Variants in CDH20 observed in about 807,000 individuals in gnomAD.
The protein encoded by CDH20 is cadherin-20.
In CDH20, 29 loss-of-function variants were observed where a neutral mutation model predicts 74.2. That is an observed-to-expected ratio of 0.39 (90% confidence interval 0.29 to 0.53). The LOEUF (loss-of-function observed/expected upper bound fraction) is 0.53. Ranked by LOEUF, CDH20 falls within the 20% of genes least tolerant of loss-of-function variation. The pLI is 0.69. For missense variants in CDH20, 988 were observed against 1,048.3 expected, an observed-to-expected ratio of 0.94 and a Z score of 0.79; for synonymous variants, 469 against 405.4, an observed-to-expected ratio of 1.16 and a Z score of -1.88.
intron 1 of CDH20, among the ~76,000 whole-genome samples, chr18:61,359,800 T>G (rs1910628547): frequency 2.0e-5 from 3 of 152,218 alleles, no homozygotes; most frequent in Admixed American, 1.3e-4. Context: ...TCACTGGTGA[T>G]CATGAGTCAT....
At position 61,490,497 on chromosome 18, in the gene CDH20, T is replaced by C. The variant is rs1292598187; in HGVS notation, c.-57T>C. On this transcript the variant is annotated 5_prime_UTR_variant, in exon 2 of 12. Transcript: ENST00000262717. ...TGTGTATTTTTTTAAATTTGGAAAA[T>C]ACTCAAGTTCCAGTTGCTTATCATT... 1 of 1,558,744 alleles carries C rather than the reference T, an allele frequency of 6.4e-7. No homozygotes were observed. Among genetic ancestry groups the C allele is most frequent in the East Asian group, 2.3e-5 (1 of 44,284 alleles).
intron 10 of CDH20, among the ~76,000 whole-genome samples, chr18:61,547,705 C>T (rs895646054): frequency 6.6e-6 from 1 of 151,640 alleles, no homozygotes; most frequent in Admixed American, 6.6e-5. Context: ...CCTGTTTTAC[C>T]ATGCCCCCCC....
chr18:61,403,299 C>T (rs145002435), intron 1 of CDH20, among the ~76,000 whole-genome samples: 53 of 152,284 alleles, frequency 3.5e-4, no homozygotes, highest in Middle Eastern at 6.8e-3. Context: ...TTCATTGAAT[C>T]ATGTAGGCAA....
intron 1 of CDH20, among the ~76,000 whole-genome samples, chr18:61,425,853 C>T (rs1913053099): frequency 6.6e-6 from 1 of 152,110 alleles, no homozygotes; most frequent in African/African-American, 2.4e-5. Flanking sequence ...TATTGAAATA[C>T]ATTTTTTAAA....
At chr18:61,488,347 G>T (rs938029181) in intron 1 of CDH20, among the ~76,000 whole-genome samples, 1 of 151,992 alleles carries the variant, frequency 6.6e-6, no homozygotes, top group Non-Finnish European at 1.5e-5. Flanking sequence ...GGCCCCAAAG[G>T]TATCCATAAA....
At chr18:61,469,635 G>T (rs1271572731) in intron 1 of CDH20, among the ~76,000 whole-genome samples, 2 of 152,180 alleles carry the variant, frequency 1.3e-5, no homozygotes, top group African/African-American at 2.4e-5. Flanking sequence ...AAGATTTCTA[G>T]CAGGGAGCTT....
intron 7 of CDH20, among the ~76,000 whole-genome samples, chr18:61,531,199 G>C (rs1375452537): frequency 1.3e-5 from 2 of 152,208 alleles, no homozygotes; most frequent in Non-Finnish European, 2.9e-5. Flanking sequence ...CCCTCGATGA[G>C]GGAGGCTTCT....
chr18:61,463,749 C>A (rs1335179696), intron 1 of CDH20, among the ~76,000 whole-genome samples: 1 of 152,128 alleles, frequency 6.6e-6, no homozygotes, highest in Non-Finnish European at 1.5e-5. Flanking sequence ...GTTCGGTCAA[C>A]TCCCAACTCT....
intron 1 of CDH20, among the ~76,000 whole-genome samples, chr18:61,487,388 G>A (rs1019674314): frequency 6.6e-5 from 10 of 152,168 alleles, no homozygotes; most frequent in African/African-American, 2.2e-4. Context: ...AGAATAATGC[G>A]ACTATTGTAT....
chr18:61,448,360 A>T (rs995068697), intron 1 of CDH20, among the ~76,000 whole-genome samples: 14 of 152,210 alleles, frequency 9.2e-5, no homozygotes, highest in African/African-American at 3.4e-4. Context: ...AAGTAATTTA[A>T]GTCTGAACAG....
intron 2 of CDH20, among the ~76,000 whole-genome samples, chr18:61,496,432 T>C (rs1911164232): frequency 6.6e-6 from 1 of 150,674 alleles, no homozygotes; most frequent in Admixed American, 6.6e-5. Flanking sequence ...ACTTTCGCCC[T>C]CCCCCAGACC....
intron 9 of CDH20, among the ~76,000 whole-genome samples, chr18:61,544,080 C>A (rs142032593): frequency 6.6e-6 from 1 of 152,284 alleles, no homozygotes; most frequent in African/African-American, 2.4e-5. Flanking sequence ...CAAGCCCAAC[C>A]CTAAAGCAAA....
At chr18:61,355,243 GA>G (rs1271335145) in intron 1 of CDH20, among the ~76,000 whole-genome samples, 1 of 152,138 alleles carries the variant, frequency 6.6e-6, no homozygotes, top group Non-Finnish European at 1.5e-5. Flanking sequence ...GCATTCAATA[GA>G]AGAACCAATG....
intron 1 of CDH20, among the ~76,000 whole-genome samples, chr18:61,452,579 C>T (rs1909430429): frequency 6.6e-6 from 1 of 152,186 alleles, no homozygotes; most frequent in African/African-American, 2.4e-5. Flanking sequence ...TATTTGTCTA[C>T]CACGAATCGC....
intron 1 of CDH20, among the ~76,000 whole-genome samples, chr18:61,344,301 A>G (rs73963083): frequency 0.013 from 2,015 of 152,288 alleles, 63 homozygotes; most frequent in African/African-American, 0.046. Context: ...ATGAGGTACA[A>G]ATATCATCAC....
At chr18:61,359,259 A>T (rs1237467867) in intron 1 of CDH20, among the ~76,000 whole-genome samples, 1 of 151,982 alleles carries the variant, frequency 6.6e-6, no homozygotes, top group African/African-American at 2.4e-5. Flanking sequence ...TAGGGACTCA[A>T]TTTTCCTTAT....
At chr18:61,439,101 G>C (rs1908938576) in intron 1 of CDH20, among the ~76,000 whole-genome samples, 1 of 152,054 alleles carries the variant, frequency 6.6e-6, no homozygotes, top group South Asian at 2.1e-4. Flanking sequence ...ACTACTAAAT[G>C]GGGGAATCAA....
chr18:61,447,397 G>T (rs1909236824), intron 1 of CDH20, among the ~76,000 whole-genome samples: 1 of 152,174 alleles, frequency 6.6e-6, no homozygotes. Flanking sequence ...GTATGGTTAT[G>T]CGGGGAAGAT....
At chr18:61,340,755 T>A (rs1909922282) in intron 1 of CDH20, among the ~76,000 whole-genome samples, 2 of 152,220 alleles carry the variant, frequency 1.3e-5, no homozygotes, top group Non-Finnish European at 2.9e-5. Flanking sequence ...TTGTACATAT[T>A]ATAAATAATT....
Sources: gnomAD v4.1 joint callset for allele counts (sites outside exome capture counted in the v4.1 genomes callset) on GRCh38, gnomAD v4.1.1 for gene constraint, MANE v1.5 for transcripts, NCBI Gene and HGNC (gene_info 2026-07-23, HGNC 2026-07-21) for gene names.